The following HECW2 variants were observed in gnomAD, a reference collection of about 807,000 sequenced individuals.
The protein encoded by HECW2 is HECT, C2 and WW domain containing E3 ubiquitin protein ligase 2, also known as E3 ubiquitin-protein ligase HECW2.
HECW2 carries 61 observed loss-of-function variants against 175.2 expected under a neutral mutation model. The observed-to-expected ratio is 0.35, with a 90% confidence interval of 0.28 to 0.43. The LOEUF (loss-of-function observed/expected upper bound fraction) is 0.43. Ranked by LOEUF, HECW2 falls within the 20% of genes least tolerant of loss-of-function variation. The pLI is 1.00. For synonymous variants in HECW2, 671 were observed against 731.0 expected, an observed-to-expected ratio of 0.92 and a Z score of 1.32; for missense variants, 1,524 against 2,000.5, an observed-to-expected ratio of 0.76 and a Z score of 4.54.
Position 196,194,564 on chromosome 2 carries a change from C to T in HECW2, c.*6713G>A, listed in dbSNP as rs1686627776. 1 of 151,838 alleles carries T rather than the reference C, an allele frequency of 6.6e-6. No homozygotes were observed. The highest frequency in any genetic ancestry group is 1.5e-5 in the Non-Finnish European group (1 of 67,928). The allele number at this position is 151,838 out of a possible 1,614,324, so 9.4% of individuals were successfully genotyped here. A position where few individuals can be genotyped will look rare whatever the true frequency, so the allele number is the denominator to read the frequency against. Reference sequence around the variant, plus strand: ...AGTTGAGAATAAGAATACAGACTTCCCAGAAAATAAACAACTAGTCCCAGT... The same window carrying T: ...AGTTGAGAATAAGAATACAGACTTCTCAGAAAATAAACAACTAGTCCCAGT... On this transcript the variant is annotated 3_prime_UTR_variant, in exon 29 of 29. Coordinates refer to ENST00000644978, the MANE Select transcript of HECW2 (RefSeq NM_001348768.2).
intron 13 of HECW2, among the ~76,000 whole-genome samples, chr2:196,303,075 TG>T (rs1434932767): frequency 6.6e-6 from 1 of 152,218 alleles, no homozygotes; most frequent in Non-Finnish European, 1.5e-5. Flanking sequence ...CTTATTACTT[TG>T]AGGTATGTTC....
intron 1 of HECW2, among the ~76,000 whole-genome samples, chr2:196,540,314 CT>C (rs930048423): frequency 1.3e-5 from 2 of 152,126 alleles, no homozygotes; most frequent in Non-Finnish European, 2.9e-5. Flanking sequence ...TTATTAATGA[CT>C]TATCAATCTT....
chr2:196,569,432 C>G (rs990838473), intron 1 of HECW2, among the ~76,000 whole-genome samples: 7 of 152,100 alleles, frequency 4.6e-5, no homozygotes, highest in African/African-American at 1.4e-4. Flanking sequence ...TAAATAAATA[C>G]CATAAAGAAG....
chr2:196,411,147 C>A (rs1390143208), intron 2 of HECW2, among the ~76,000 whole-genome samples: 3 of 152,148 alleles, frequency 2.0e-5, no homozygotes, highest in Non-Finnish European at 4.4e-5. Context: ...TACAGGTACA[C>A]ACTACCATAT....
At chr2:196,587,294 T>A (rs1306332065) in intron 1 of HECW2, among the ~76,000 whole-genome samples, 1 of 152,232 alleles carries the variant, frequency 6.6e-6, no homozygotes, top group African/African-American at 2.4e-5. Flanking sequence ...CAAAGTTTCA[T>A]AACAGGCAAC....
intron 2 of HECW2, among the ~76,000 whole-genome samples, chr2:196,361,470 CAACCT>C (rs1254545944): frequency 2.0e-5 from 3 of 152,152 alleles, no homozygotes; most frequent in African/African-American, 7.2e-5. Context: ...TATTTAGACT[CAACCT>C]AAGGCAATTT....
chr2:196,230,674 A>G (rs1688019098), intron 21 of HECW2, among the ~76,000 whole-genome samples: 1 of 152,196 alleles, frequency 6.6e-6, no homozygotes. Flanking sequence ...GGTTAAACTT[A>G]TCCTGCCTTT....
intron 1 of HECW2, among the ~76,000 whole-genome samples, chr2:196,451,647 C>T (rs1696351183): frequency 6.6e-6 from 1 of 152,096 alleles, no homozygotes; most frequent in Non-Finnish European, 1.5e-5. Context: ...TGCCTGTAAT[C>T]CAACCACTTT....
At chr2:196,527,610 A>G (rs1688713215) in intron 1 of HECW2, among the ~76,000 whole-genome samples, 1 of 152,262 alleles carries the variant, frequency 6.6e-6, no homozygotes. Flanking sequence ...ACCTTCCTGG[A>G]GTGTCAAATT....
intron 1 of HECW2, among the ~76,000 whole-genome samples, chr2:196,512,353 T>C (rs1157050306): frequency 6.6e-6 from 1 of 152,218 alleles, no homozygotes; most frequent in Non-Finnish European, 1.5e-5. Flanking sequence ...GTCAGTTATC[T>C]AGGTACAGAA....
chr2:196,365,910 A>T (rs959622108), intron 2 of HECW2, among the ~76,000 whole-genome samples: 10 of 152,230 alleles, frequency 6.6e-5, no homozygotes, highest in African/African-American at 2.2e-4. Context: ...ACTTGTTCAC[A>T]GAAGATCACA....
chr2:196,419,166 AAC>A (rs1272354445), intron 2 of HECW2, among the ~76,000 whole-genome samples: 1 of 152,226 alleles, frequency 6.6e-6, no homozygotes, highest in African/African-American at 2.4e-5. Context: ...AATTATAAAT[AAC>A]ACAGTGTAAT....
intron 1 of HECW2, among the ~76,000 whole-genome samples, chr2:196,476,880 G>A (rs1575591251): frequency 7.2e-6 from 1 of 138,626 alleles, no homozygotes; most frequent in Non-Finnish European, 1.5e-5. Flanking sequence ...GGAGGCCAAG[G>A]CAGGAGGATC....
intron 2 of HECW2, among the ~76,000 whole-genome samples, chr2:196,364,641 C>T (rs1489397224): frequency 6.6e-6 from 1 of 152,196 alleles, no homozygotes; most frequent in Admixed American, 6.5e-5. Context: ...TATGTTTTTA[C>T]TTACTATGAT....
intron 19 of HECW2, among the ~76,000 whole-genome samples, chr2:196,249,153 TC>T (rs1688767203): frequency 6.6e-6 from 1 of 152,226 alleles, no homozygotes; most frequent in African/African-American, 2.4e-5. Flanking sequence ...AGAGAGCACA[TC>T]TCCAATAATA....
chr2:196,334,753 C>A (rs1692489363), intron 3 of HECW2, among the ~76,000 whole-genome samples: 1 of 152,112 alleles, frequency 6.6e-6, no homozygotes, highest in African/African-American at 2.4e-5. Flanking sequence ...AACAACATGC[C>A]AAAATAGAAA....
At chr2:196,403,458 TAA>T (rs1694876712) in intron 2 of HECW2, among the ~76,000 whole-genome samples, 1 of 152,208 alleles carries the variant, frequency 6.6e-6, no homozygotes, top group Non-Finnish European at 1.5e-5. Flanking sequence ...AGAGATACAG[TAA>T]ACACAAACCT....
In HECW2 at chr2:196,194,179, A is replaced by C. The variant is rs1456925279; in HGVS notation, c.*7098T>G. 6.6e-6 allele frequency: 1 copy of C among 151,826 alleles called. No individual in the cohort carries two copies. The highest frequency in any genetic ancestry group is 1.5e-5 in the Non-Finnish European group (1 of 67,946). 9.4% of individuals were successfully genotyped at this position (151,826 alleles called of 1,614,324 possible). ...ATAAACAAAGTAGATTCCAAACAAA[A>C]TAAACAAATATTTTATTAATAAATA... On this transcript the variant is annotated 3_prime_UTR_variant, in exon 29 of 29. Coordinates refer to ENST00000644978, the MANE Select transcript of HECW2 (RefSeq NM_001348768.2).
At chr2:196,562,863 G>A (rs1231948929) in intron 1 of HECW2, among the ~76,000 whole-genome samples, 2 of 152,026 alleles carry the variant, frequency 1.3e-5, no homozygotes, top group Non-Finnish European at 2.9e-5. Flanking sequence ...CAGCAATATA[G>A]CAAGACCCTG....
Sources: allele counts gnomAD v4.1 joint callset (sites outside exome capture counted in the v4.1 genomes callset), GRCh38; gene constraint gnomAD v4.1.1; transcripts MANE v1.5; gene names NCBI Gene and HGNC (gene_info 2026-07-23, HGNC 2026-07-21).